The following PSMD14 variants were observed in gnomAD, a reference collection of about 807,000 sequenced individuals.
The protein encoded by PSMD14 is proteasome 26S subunit, non-ATPase 14.
In PSMD14, 7 loss-of-function variants were observed where a neutral mutation model predicts 41.2. The ratio of observed to expected loss-of-function variants is 0.17; its 90% confidence interval spans 0.10 to 0.32. The LOEUF is 0.32. Ranked by LOEUF, PSMD14 falls within the 10% of genes least tolerant of loss-of-function variation. The pLI is 1.00. For synonymous variants in PSMD14, 114 were observed against 122.3 expected (o/e 0.93, Z 0.45); for missense variants, 139 against 375.6 (o/e 0.37, Z 5.21).
chr2:161,341,118 C>G (rs1025131687), intron 3 of PSMD14: 1,622 of 1,332,274 alleles, frequency 1.2e-3, no homozygotes, highest in Admixed American at 1.5e-3. Flanking sequence ...CTCCTCCGGC[C>G]CCGCGGGCGA....
At position 161,386,658 on chromosome 2, in the gene PSMD14, C is replaced by T. The variant is rs549421885; in HGVS notation, c.570+1087C>T. ...TTGGGTACAGACAAGCCTGTACTTGCATGTTCCAAGAGAATATATTATTGG... is the reference window on the plus strand; with the variant it reads ...TTGGGTACAGACAAGCCTGTACTTGTATGTTCCAAGAGAATATATTATTGG... On this transcript the variant is annotated intron_variant, in intron 8 of 11. Coordinates refer to ENST00000409682, the MANE Select transcript of PSMD14 (RefSeq NM_005805.6). Among the ~76,000 whole-genome samples, 34 of 151,894 alleles carry T rather than the reference C, an allele frequency of 2.2e-4. 1 individual carries two copies. In the South Asian group the frequency reaches 6.6e-3, roughly 30 times the overall value.
rs191547172 is a variant in PSMD14 at position 161,361,806 on chromosome 2, T to C, written c.49-5672T>C. On this transcript the variant is annotated intron_variant, in intron 3 of 11. Transcript: ENST00000409682. ...TTGGTATCTCATTGACAAATTTTGC[T>C]CAGTCTTTTTGTTTTAATTGTTACT... 1.4e-3 allele frequency among the ~76,000 whole-genome samples: 211 copies of C among 152,328 alleles called. 1 individual carries two copies. Among genetic ancestry groups the C allele is most frequent in the African/African-American group, 4.8e-3 (201 of 41,576 alleles).
chr2:161,411,304 C>T lies in PSMD14; in HGVS notation c.837C>T (p.Asp279=). 2 of 1,602,874 alleles carry T rather than the reference C, an allele frequency of 1.2e-6. No homozygotes were observed. The highest frequency in any genetic ancestry group is 1.7e-6 in the Non-Finnish European group (2 of 1,173,968). The change falls in exon 12 of 12, where the codon GAC becomes GAT. Residue 279 remains aspartate (D), a splice_region_variant and synonymous_variant. Coordinates refer to ENST00000409682, the MANE Select transcript of PSMD14 (RefSeq NM_005805.6). ...QLAIKNVGKQ[D]PKRHLEEHVD... is the part of the protein sequence containing the mutation. ...TTTCCTCATTTTTGTTCTTTTAGGACCCCAAACGTCATTTGGAGGAACATG... is the reference window on the plus strand; with the variant it reads ...TTTCCTCATTTTTGTTCTTTTAGGATCCCAAACGTCATTTGGAGGAACATG...
intron 5 of PSMD14, among the ~76,000 whole-genome samples, chr2:161,369,032 GT>G (rs921631063): frequency 7.2e-5 from 11 of 151,804 alleles, no homozygotes; most frequent in African/African-American, 2.7e-4. Flanking sequence ...CACTCTACAT[GT>G]TAACCAAAGG....
intron 3 of PSMD14, among the ~76,000 whole-genome samples, chr2:161,347,495 TCTCTA>T (rs1190393605): frequency 1.3e-5 from 2 of 152,196 alleles, no homozygotes; most frequent in Non-Finnish European, 2.9e-5. Flanking sequence ...TGGAATTCTC[TCTCTA>T]CTCAGACGTT....
chr2:161,340,891 C>T lies in PSMD14; in HGVS notation c.48+22018C>T, dbSNP rs1012388671. 6.2e-6 allele frequency: 10 copies of T among 1,613,764 alleles called. No homozygotes were observed. The African/African-American group carries it at 9.3e-5, about 15-fold the overall frequency. On this transcript the variant is annotated intron_variant, in intron 3 of 11. Transcript: ENST00000409682. The stretch of plus-strand genomic sequence containing the variant: ...TCGTACTGGTTTCCCCTCAGCTTCC[C>T]GGGGCTGTATTTGAAGGAGAAGCCT...
chr2:161,318,443 T>C (rs1383843906), intron 2 of PSMD14, among the ~76,000 whole-genome samples: 2 of 152,156 alleles, frequency 1.3e-5, no homozygotes, highest in Middle Eastern at 3.2e-3. Flanking sequence ...TTGTACACTC[T>C]GGACCAATTG....
intron 2 of PSMD14, among the ~76,000 whole-genome samples, chr2:161,318,305 G>C (rs926908534): frequency 6.6e-6 from 1 of 152,126 alleles, no homozygotes; most frequent in Non-Finnish European, 1.5e-5. Flanking sequence ...TGCTAATTCA[G>C]AGATCCATAA....
At chr2:161,310,304 C>A (rs553596506) in intron 1 of PSMD14, among the ~76,000 whole-genome samples, 2 of 152,264 alleles carry the variant, frequency 1.3e-5, no homozygotes, top group South Asian at 4.1e-4. Context: ...TTGTTATTAT[C>A]TTAGAAGTGG....
At chr2:161,410,488 G>A (rs967192106) in intron 11 of PSMD14, among the ~76,000 whole-genome samples, 9 of 151,678 alleles carry the variant, frequency 5.9e-5, no homozygotes, top group African/African-American at 2.2e-4. Flanking sequence ...TTATTTCAAA[G>A]CTCTGAAATT....
intron 7 of PSMD14, among the ~76,000 whole-genome samples, chr2:161,379,838 C>G (rs1043381996): frequency 1.3e-5 from 2 of 152,012 alleles, no homozygotes; most frequent in Non-Finnish European, 2.9e-5. Flanking sequence ...GCTGGGGAGT[C>G]CTTGAGCCAA....
intron 10 of PSMD14, among the ~76,000 whole-genome samples, chr2:161,405,432 G>A (rs1412597576): frequency 6.6e-6 from 1 of 152,180 alleles, no homozygotes; most frequent in Non-Finnish European, 1.5e-5. Context: ...TGAGCTCCTT[G>A]AGAGCAAGAA....
rs769623477 is a variant in PSMD14, at chr2:161,342,561, A to G, written c.48+23688A>G. Among the ~76,000 whole-genome samples the G allele has an allele frequency of 2.6e-5, 4 of 151,426 alleles. No individual in the cohort carries two copies. The South Asian group carries it at 6.2e-4, about 24-fold the overall frequency. On this transcript the variant is annotated intron_variant, in intron 3 of 11. Transcript: ENST00000409682. Reference sequence around the variant, plus strand: ...ACCTATTTGGATCTTTATTTAACCTATTTGAAATAAGTTTCTTGTAGGCAG... The same window carrying G: ...ACCTATTTGGATCTTTATTTAACCTGTTTGAAATAAGTTTCTTGTAGGCAG...
chr2:161,366,775 A>G (rs1185241168), intron 3 of PSMD14, among the ~76,000 whole-genome samples: 2 of 152,192 alleles, frequency 1.3e-5, no homozygotes, highest in Non-Finnish European at 2.9e-5. Context: ...GTTATAGTCA[A>G]GAGAAGTTTG....
At chr2:161,359,646 C>T (rs1683261607) in intron 3 of PSMD14, among the ~76,000 whole-genome samples, 1 of 152,104 alleles carries the variant, frequency 6.6e-6, no homozygotes, top group Non-Finnish European at 1.5e-5. Flanking sequence ...GTTCTCTGTT[C>T]TCAGTGAGCA....
intron 4 of PSMD14, 94 bp from the exon 5 acceptor site, chr2:161,367,690 T>C (rs1683378053): frequency 6.7e-7 from 1 of 1,499,280 alleles, no homozygotes; most frequent in South Asian, 1.3e-5. Context: ...GAGTTTTTAT[T>C]TTCACTGGAA....
intron 7 of PSMD14, among the ~76,000 whole-genome samples, chr2:161,372,013 C>G (rs886235101): frequency 1.3e-5 from 2 of 149,120 alleles, no homozygotes; most frequent in Non-Finnish European, 3.0e-5. Context: ...TGCCATTTTC[C>G]TATTTCCTGC....
At chr2:161,335,470 G>A (rs1395361463) in intron 3 of PSMD14, among the ~76,000 whole-genome samples, 2 of 152,178 alleles carry the variant, frequency 1.3e-5, no homozygotes, top group African/African-American at 4.8e-5. Flanking sequence ...TGTGGCCAGT[G>A]GCCACTATAT....
At chr2:161,342,934 C>T (rs1218641975) in intron 3 of PSMD14, among the ~76,000 whole-genome samples, 2 of 152,106 alleles carry the variant, frequency 1.3e-5, no homozygotes, top group Non-Finnish European at 2.9e-5. Flanking sequence ...AAGTGATATA[C>T]TACTTTATTT....
Sources: allele counts gnomAD v4.1 joint callset (sites outside exome capture counted in the v4.1 genomes callset), GRCh38; gene constraint gnomAD v4.1.1; transcripts MANE v1.5; gene names NCBI Gene and HGNC (gene_info 2026-07-23, HGNC 2026-07-21).